The following FRMPD4 variants were observed in gnomAD, a reference collection of about 807,000 sequenced individuals.
The protein encoded by FRMPD4 is FERM and PDZ domain-containing protein 4.
Under a neutral mutation model 94.1 loss-of-function variants are expected in FRMPD4, and 22 were observed. That is an observed-to-expected ratio of 0.23 (90% CI 0.17 to 0.33). The LOEUF (loss-of-function observed/expected upper bound fraction) is 0.33. FRMPD4 is among the 10% of genes least tolerant of loss of function. The pLI, the probability that FRMPD4 is intolerant of heterozygous loss-of-function variation, is 1.00. For missense variants in FRMPD4, 1,111 were observed against 1,339.9 expected, an observed-to-expected ratio of 0.83 and a Z score of 2.67; for synonymous variants, 631 against 548.6, an observed-to-expected ratio of 1.15 and a Z score of -2.10.
At chrX:12,456,475 C>T (rs919980661) in intron 1 of FRMPD4, among the ~76,000 whole-genome samples, 2 of 111,983 alleles carry the variant, frequency 1.8e-5, no homozygotes, top group African/African-American at 6.5e-5. Context: ...AGTTTATCAG[C>T]ATATCACTGC....
At chrX:11,895,858 C>T (rs1219802114) in intron 3 of FRMPD4, among the ~76,000 whole-genome samples, 3 of 112,264 alleles carry the variant, frequency 2.7e-5, no homozygotes, top group Non-Finnish European at 5.6e-5. Flanking sequence ...ATGGTTCTGA[C>T]ATAGTTGTAT....
At chrX:12,433,763 C>T (rs747333015) in intron 1 of FRMPD4, among the ~76,000 whole-genome samples, 1 of 111,933 alleles carries the variant, frequency 8.9e-6, no homozygotes, top group Admixed American at 9.5e-5. Context: ...GCTGACAATA[C>T]ATTTTCAGTT....
intron 4 of FRMPD4, among the ~76,000 whole-genome samples, chrX:12,663,951 T>A (rs2059746776): frequency 8.9e-6 from 1 of 111,867 alleles, no homozygotes; most frequent in Admixed American, 9.5e-5. Context: ...GGTATTTTAT[T>A]CTCTTTGTAG....
At chrX:11,912,095 CGAA>C (rs911995872) in intron 3 of FRMPD4, among the ~76,000 whole-genome samples, 10 of 112,057 alleles carry the variant, frequency 8.9e-5, no homozygotes, top group South Asian at 3.9e-4. Flanking sequence ...GAAGCCCCAC[CGAA>C]GAAGAACATG....
intron 3 of FRMPD4, among the ~76,000 whole-genome samples, chrX:11,908,100 A>G (rs1601833301): frequency 8.9e-6 from 1 of 111,889 alleles, no homozygotes; most frequent in Admixed American, 9.5e-5. Flanking sequence ...TCAGCCAATA[A>G]TTAGACAGAA....
At chrX:12,456,760 T>TA (rs1286951701) in intron 1 of FRMPD4, among the ~76,000 whole-genome samples, 8 of 113,076 alleles carry the variant, frequency 7.1e-5, no homozygotes, top group African/African-American at 2.6e-4. Flanking sequence ...CAGTAGATAA[T>TA]AAAAAAATTA....
chrX:12,127,010 G>A (rs977171203), intron 3 of FRMPD4, among the ~76,000 whole-genome samples: 1 of 112,073 alleles, frequency 8.9e-6, no homozygotes, highest in Non-Finnish European at 1.9e-5. Context: ...CTACTAAAAT[G>A]GTAGGTCCAT....
intron 4 of FRMPD4, among the ~76,000 whole-genome samples, chrX:12,640,823 G>T (rs2059492973): frequency 9.0e-6 from 1 of 111,602 alleles, no homozygotes; most frequent in Non-Finnish European, 1.9e-5. Flanking sequence ...AAGTAAGCTG[G>T]GTTTGTTTAC....
intron 1 of FRMPD4, among the ~76,000 whole-genome samples, chrX:12,482,751 A>G (rs2057701224): frequency 8.9e-6 from 1 of 112,513 alleles, no homozygotes; most frequent in Admixed American, 9.4e-5. Context: ...TATTATTTCA[A>G]TATGTAATCA....
At chrX:12,216,956 T>G (rs1290055452) in intron 1 of FRMPD4, among the ~76,000 whole-genome samples, 1 of 111,894 alleles carries the variant, frequency 8.9e-6, no homozygotes, top group Non-Finnish European at 1.9e-5. Context: ...TGCTCTGCCC[T>G]AGGTTTAAAA....
chrX:12,252,712 G>A (rs1223077152), intron 1 of FRMPD4, among the ~76,000 whole-genome samples: 1 of 111,660 alleles, frequency 9.0e-6, no homozygotes, highest in Non-Finnish European at 1.9e-5. Context: ...TCAGACATAT[G>A]GAAAACCATA....
At chrX:12,095,620 C>T (rs1435771425) in intron 3 of FRMPD4, among the ~76,000 whole-genome samples, 2 of 110,802 alleles carry the variant, frequency 1.8e-5, no homozygotes, top group Non-Finnish European at 3.8e-5. Flanking sequence ...TGCTCTAGTC[C>T]AGCAAAAAGG....
chrX:11,981,589 T>C (rs773770361), intron 3 of FRMPD4, among the ~76,000 whole-genome samples: 1 of 112,185 alleles, frequency 8.9e-6, no homozygotes, highest in East Asian at 2.8e-4. Context: ...GCTGTGCTTA[T>C]ATGTACAAGA....
rs1024422352 is a variant in FRMPD4, at chrX:12,609,863, G to A, written c.301G>A (p.Val101Ile). 2.5e-6 allele frequency: 3 copies of A among 1,210,295 alleles called. No individual in the cohort carries two copies. Among genetic ancestry groups the A allele is most frequent in the South Asian group, 1.8e-5 (1 of 56,848 alleles). The change falls in exon 3 of 17, where the codon GTT becomes ATT. Residue 101 changes from valine to isoleucine, a missense_variant. Around this residue, in one of 8 missense-constraint regions of FRMPD4, gnomAD observed 140 missense variants for 165.9 expected, o/e 0.84. Coordinates refer to ENST00000675598, the MANE Select transcript of FRMPD4 (RefSeq NM_001368397.1). ...FVAGSEKPVV[V>I]RSVTPGGPSE... Reference sequence around the variant, plus strand: ...GGCAGGCAGTGAAAAGCCAGTGGTCGTTCGCTCAGTAACACCAGGTAAGCA... The same window carrying A: ...GGCAGGCAGTGAAAAGCCAGTGGTCATTCGCTCAGTAACACCAGGTAAGCA...
At chrX:12,462,192 G>A (rs147265695) in intron 1 of FRMPD4, among the ~76,000 whole-genome samples, 2,743 of 111,718 alleles carry the variant, frequency 0.025, 38 homozygotes, top group Non-Finnish European at 0.037. Context: ...TTTGCCCATA[G>A]GGAAGGATAA....
intron 4 of FRMPD4, among the ~76,000 whole-genome samples, chrX:12,629,378 T>A (rs776462696): frequency 1.8e-5 from 2 of 111,938 alleles, no homozygotes; most frequent in Admixed American, 9.4e-5. Flanking sequence ...AATATTGTCC[T>A]GCTGTGTGCT....
At chrX:11,835,845 C>A (rs1416159756) in intron 1 of FRMPD4, among the ~76,000 whole-genome samples, 1 of 112,031 alleles carries the variant, frequency 8.9e-6, no homozygotes, top group African/African-American at 3.2e-5. Context: ...TAAAAGGCCC[C>A]CTTTCAACTT....
intron 2 of FRMPD4, among the ~76,000 whole-genome samples, chrX:12,534,013 G>A (rs941132148): frequency 4.4e-5 from 5 of 112,704 alleles, no homozygotes; most frequent in Non-Finnish European, 9.4e-5. Flanking sequence ...TCCCATCACA[G>A]GCCTGGAGGC....
chrX:12,470,330 T>C (rs1266556206), intron 1 of FRMPD4, among the ~76,000 whole-genome samples: 1 of 112,131 alleles, frequency 8.9e-6, no homozygotes, highest in Non-Finnish European at 1.9e-5. Context: ...TTCTACATAA[T>C]GACCAAAATG....
Sources: allele counts gnomAD v4.1 joint callset (sites outside exome capture counted in the v4.1 genomes callset), GRCh38; gene constraint gnomAD v4.1.1; regional missense constraint gnomAD v4.1.1; transcripts MANE v1.5; gene names NCBI Gene and HGNC (gene_info 2026-07-23, HGNC 2026-07-21).